The following GALNT7 variants were observed in gnomAD, a reference collection of about 807,000 sequenced individuals.
The protein encoded by GALNT7 is polypeptide N-acetylgalactosaminyltransferase 7.
In GALNT7, 60 loss-of-function variants were observed where a neutral mutation model predicts 82.1. That is an observed-to-expected ratio of 0.73 (90% CI 0.59 to 0.91). The LOEUF is 0.91. Ranked by LOEUF, GALNT7 falls within the 40% of genes least tolerant of loss-of-function variation. GALNT7 has a pLI of 0.00. For synonymous variants in GALNT7, 243 were observed against 275.1 expected, an observed-to-expected ratio of 0.88 and a Z score of 1.15; for missense variants, 660 against 804.2, an observed-to-expected ratio of 0.82 and a Z score of 2.17.
chr4:173,282,181 G>A (rs760916891), intron 2 of GALNT7, among the ~76,000 whole-genome samples: 4 of 152,138 alleles, frequency 2.6e-5, no homozygotes, highest in Non-Finnish European at 5.9e-5. Context: ...GCAGCTGTGG[G>A]TATGTCTCTA....
intron 1 of GALNT7, among the ~76,000 whole-genome samples, chr4:173,213,282 A>G (rs1733341637): frequency 6.6e-6 from 1 of 152,076 alleles, no homozygotes; most frequent in Non-Finnish European, 1.5e-5. Context: ...TAAAACTGAT[A>G]AACCTGATCC....
chr4:173,264,088 A>G (rs1213928631), intron 2 of GALNT7, among the ~76,000 whole-genome samples: 1 of 152,178 alleles, frequency 6.6e-6, no homozygotes, highest in Admixed American at 6.5e-5. Flanking sequence ...TTTCAGTAGG[A>G]AAATAATATA....
chr4:173,318,310 A>G, intron 10 of GALNT7, 121 bp from the exon 11 acceptor site: 1 of 727,102 alleles, frequency 1.4e-6, no homozygotes, highest in African/African-American at 1.8e-5. Context: ...GTTCTAAACA[A>G]AATTATGGAA....
Position 173,302,235 on chromosome 4 carries a change from G to A in GALNT7, c.1266+71G>A, listed in dbSNP as rs776972414. The A allele has an allele frequency of 3.9e-6, 3 of 779,166 alleles. No individual in the cohort carries two copies. Among genetic ancestry groups the A allele is most frequent in the African/African-American group, 1.7e-5 (1 of 57,544 alleles). 48.3% of individuals were successfully genotyped at this position (779,166 alleles called of 1,614,324 possible). On this transcript the variant is annotated intron_variant, in intron 7 of 11. Transcript: ENST00000265000. The surrounding 1 kb of genome is among the most constrained non-coding windows in gnomAD (Gnocchi z 4.2). Reference sequence around the variant, plus strand: ...CTTCTGTGGCTTTCAGATAAAGCTAGTTTTTTGTGGGGGAAAAAAGCCCAC... The same window carrying A: ...CTTCTGTGGCTTTCAGATAAAGCTAATTTTTTGTGGGGGAAAAAAGCCCAC...
At chr4:173,218,958 AGTT>A (rs1733554023) in intron 1 of GALNT7, among the ~76,000 whole-genome samples, 2 of 151,772 alleles carry the variant, frequency 1.3e-5, no homozygotes, top group African/African-American at 4.8e-5. Flanking sequence ...TGGTCATTTT[AGTT>A]GTTTTCTTTT....
intron 10 of GALNT7, 96 bp downstream of exon 10, chr4:173,317,828 G>A: frequency 1.3e-6 from 1 of 756,668 alleles, no homozygotes; most frequent in Non-Finnish European, 2.3e-6. Flanking sequence ...TTTTCGATTT[G>A]GTAATTTTGT....
At chr4:173,250,814 C>T (rs142593240) in intron 2 of GALNT7, among the ~76,000 whole-genome samples, 1 of 152,280 alleles carries the variant, frequency 6.6e-6, no homozygotes, top group Non-Finnish European at 1.5e-5. Context: ...CATAGTCCAG[C>T]TGTGCTGGCC....
chr4:173,175,621 C>G (rs909243821), intron 1 of GALNT7, among the ~76,000 whole-genome samples: 3 of 152,168 alleles, frequency 2.0e-5, no homozygotes, highest in Non-Finnish European at 2.9e-5. Flanking sequence ...ATTCAGCTTA[C>G]GATTTTTGAC....
chr4:173,204,387 A>G (rs1161492321), intron 1 of GALNT7, among the ~76,000 whole-genome samples: 2 of 152,052 alleles, frequency 1.3e-5, no homozygotes, highest in African/African-American at 4.8e-5. Context: ...CTAGATTTGG[A>G]AAGTTTTCTG....
At chr4:173,312,888 A>G (rs1308925457) in intron 8 of GALNT7, among the ~76,000 whole-genome samples, 1 of 152,122 alleles carries the variant, frequency 6.6e-6, no homozygotes, top group African/African-American at 2.4e-5. Flanking sequence ...GTGAAACCCC[A>G]TCCCTACTAA....
chr4:173,182,870 T>G (rs1209360970), intron 1 of GALNT7, among the ~76,000 whole-genome samples: 1 of 136,646 alleles, frequency 7.3e-6, no homozygotes, highest in Non-Finnish European at 1.5e-5. Context: ...ACCTGATTCT[T>G]TTAAATTAAA....
intron 2 of GALNT7, among the ~76,000 whole-genome samples, chr4:173,284,296 C>A (rs906843031): frequency 2.0e-5 from 3 of 152,114 alleles, no homozygotes; most frequent in African/African-American, 7.2e-5. Context: ...GACAAAATGT[C>A]CAGGGTGGTT....
chr4:173,222,131 G>T (rs892338305), intron 1 of GALNT7, among the ~76,000 whole-genome samples: 4 of 152,166 alleles, frequency 2.6e-5, no homozygotes, highest in African/African-American at 4.8e-5. Flanking sequence ...GTATCAGCGC[G>T]TGCTTGGCAG....
intron 7 of GALNT7, among the ~76,000 whole-genome samples, chr4:173,303,037 T>C (rs571866207): frequency 9.9e-5 from 15 of 151,792 alleles, no homozygotes; most frequent in Admixed American, 9.9e-4. Flanking sequence ...TCTACTAAAA[T>C]ACAAAAAATT....
intron 2 of GALNT7, among the ~76,000 whole-genome samples, chr4:173,257,316 A>G (rs549700290): frequency 1.3e-5 from 2 of 152,350 alleles, no homozygotes; most frequent in South Asian, 4.1e-4. Context: ...AAAGGATTGT[A>G]GAAGTAGTAA....
chr4:173,289,655 C>T (rs1467040752), intron 2 of GALNT7, among the ~76,000 whole-genome samples: 1 of 152,166 alleles, frequency 6.6e-6, no homozygotes, highest in Non-Finnish European at 1.5e-5. Context: ...GGTAAGCCCC[C>T]ATCCTCTCTG....
chr4:173,237,066 T>G (rs1734257046), intron 1 of GALNT7, among the ~76,000 whole-genome samples: 1 of 152,208 alleles, frequency 6.6e-6, no homozygotes, highest in Non-Finnish European at 1.5e-5. Context: ...TATTTTTCTG[T>G]CTCACATAAT....
intron 2 of GALNT7, among the ~76,000 whole-genome samples, chr4:173,268,903 C>G (rs1268255288): frequency 6.6e-6 from 1 of 152,106 alleles, no homozygotes; most frequent in African/African-American, 2.4e-5. Context: ...CATCAGGCAT[C>G]TCCAATTGCA....
chr4:173,232,249 G>A (rs143903503), intron 1 of GALNT7, among the ~76,000 whole-genome samples: 529 of 151,988 alleles, frequency 3.5e-3, no homozygotes, highest in Middle Eastern at 6.8e-3. Flanking sequence ...TTTGAGCCTG[G>A]TTAGGGAGAC....
Sources: allele counts gnomAD v4.1 joint callset (sites outside exome capture counted in the v4.1 genomes callset), GRCh38; gene constraint gnomAD v4.1.1; non-coding constraint Gnocchi (gnomAD v3.1); transcripts MANE v1.5; gene names NCBI Gene and HGNC (gene_info 2026-07-23, HGNC 2026-07-21).